The following GRID2 variants were observed in gnomAD, a reference collection of about 807,000 sequenced individuals.
GRID2 encodes the protein glutamate ionotropic receptor delta type subunit 2.
Under a neutral mutation model 114.8 loss-of-function variants are expected in GRID2, and 33 were observed. The ratio of observed to expected loss-of-function variants is 0.29; its 90% CI spans 0.22 to 0.38. GRID2 has a LOEUF of 0.38. GRID2 is among the 10% of genes least tolerant of loss of function. GRID2 has a pLI of 1.00. For synonymous variants in GRID2, 505 were observed against 449.9 expected, an observed-to-expected ratio of 1.12 and a Z score of -1.55; for missense variants, 1,184 against 1,257.7, an observed-to-expected ratio of 0.94 and a Z score of 0.89.
rs550548439 is a variant in GRID2, at chr4:93,056,607, C to A, written c.245-28388C>A. Among the ~76,000 whole-genome samples, 4 of 151,994 alleles carry A rather than the reference C, an allele frequency of 2.6e-5. No individual in the cohort carries two copies. In the South Asian group the frequency reaches 8.3e-4, roughly 32 times the overall value. ...CTACCACCCTCAATTTCTAACTACC[C>A]TTTTTCAATTATAATTACCTTTTTT... is the stretch of plus-strand genomic sequence containing the variant. On this transcript the variant is annotated intron_variant, in intron 2 of 15. Coordinates refer to ENST00000282020, the MANE Select transcript of GRID2 (RefSeq NM_001510.4).
At chr4:93,567,405 T>C (rs1735533976) in intron 13 of GRID2, among the ~76,000 whole-genome samples, 1 of 152,208 alleles carries the variant, frequency 6.6e-6, no homozygotes, top group African/African-American at 2.4e-5. Flanking sequence ...CAAGGAAGTT[T>C]CCAACTTCTC....
intron 12 of GRID2, among the ~76,000 whole-genome samples, chr4:93,509,106 A>G (rs1374554365): frequency 6.6e-6 from 1 of 152,258 alleles, no homozygotes; most frequent in East Asian, 1.9e-4. Context: ...GTACATAGGC[A>G]GTACTTAAAC....
At chr4:92,586,087 C>G (rs1438803411) in intron 1 of GRID2, among the ~76,000 whole-genome samples, 1 of 151,604 alleles carries the variant, frequency 6.6e-6, no homozygotes, top group East Asian at 1.9e-4. Flanking sequence ...ACTATTCAGG[C>G]TCTTTTATAC....
At chr4:92,708,237 TA>T (rs1735048427) in intron 2 of GRID2, among the ~76,000 whole-genome samples, 1 of 152,130 alleles carries the variant, frequency 6.6e-6, no homozygotes, top group Non-Finnish European at 1.5e-5. Context: ...GGTGGAGAAT[TA>T]AAAATATCCA....
At chr4:93,615,487 A>G (rs924953527) in intron 13 of GRID2, among the ~76,000 whole-genome samples, 11 of 152,320 alleles carry the variant, frequency 7.2e-5, no homozygotes, top group Non-Finnish European at 1.2e-4. Flanking sequence ...TCCTTTGGGT[A>G]TATACCCAGC....
At chr4:93,105,692 C>T (rs969894705) in intron 3 of GRID2, among the ~76,000 whole-genome samples, 2 of 152,144 alleles carry the variant, frequency 1.3e-5, no homozygotes, top group Admixed American at 6.5e-5. Context: ...TCTCTTTCCC[C>T]CATCTTCAAA....
chr4:93,357,243 A>G (rs980288263), intron 8 of GRID2, among the ~76,000 whole-genome samples: 1 of 151,654 alleles, frequency 6.6e-6, no homozygotes. Flanking sequence ...GACAGGTTGA[A>G]AAGTATGTAC....
intron 2 of GRID2, among the ~76,000 whole-genome samples, chr4:92,890,619 G>T (rs959706168): frequency 2.6e-5 from 4 of 152,186 alleles, no homozygotes; most frequent in Non-Finnish European, 5.9e-5. Context: ...AACAACAGAT[G>T]CTGGAGAGGA....
At chr4:93,438,841 C>A (rs1350229511) in intron 10 of GRID2, among the ~76,000 whole-genome samples, 1 of 151,266 alleles carries the variant, frequency 6.6e-6, no homozygotes, top group Non-Finnish European at 1.5e-5. Flanking sequence ...CCATCCCCCA[C>A]CCCACAATAG....
At chr4:93,509,895 C>T (rs1237417849) in intron 12 of GRID2, among the ~76,000 whole-genome samples, 1 of 152,182 alleles carries the variant, frequency 6.6e-6, no homozygotes, top group Non-Finnish European at 1.5e-5. Context: ...CATAGGACAG[C>T]TCTCAGCTGC....
chr4:92,638,541 C>A (rs964849594), intron 2 of GRID2, among the ~76,000 whole-genome samples: 2 of 148,140 alleles, frequency 1.4e-5, no homozygotes, highest in African/African-American at 2.5e-5. Flanking sequence ...GCTATTCTTC[C>A]AATTGACTCA....
At chr4:93,061,007 G>A (rs532405409) in intron 2 of GRID2, among the ~76,000 whole-genome samples, 1 of 152,058 alleles carries the variant, frequency 6.6e-6, no homozygotes, top group African/African-American at 2.4e-5. Context: ...GGAGGCTGAG[G>A]CAGGAGAATT....
intron 14 of GRID2, among the ~76,000 whole-genome samples, chr4:93,662,470 T>G (rs1248666568): frequency 6.6e-6 from 1 of 152,192 alleles, no homozygotes; most frequent in East Asian, 1.9e-4. Flanking sequence ...TTCAGTGACT[T>G]TTTTTTGCAA....
chr4:93,161,258 G>A (rs1053316545), intron 4 of GRID2, among the ~76,000 whole-genome samples: 2 of 151,824 alleles, frequency 1.3e-5, no homozygotes, highest in Non-Finnish European at 2.9e-5. Flanking sequence ...GCAGAATTTT[G>A]ACCTCTTAGA....
At position 93,335,694 on chromosome 4, in the gene GRID2, C is replaced by CTTTTTTTTTTTTTTTTTT. The variant is rs55823712; in HGVS notation, c.1246-59901_1246-59900insTTTTTTTTTTTTTTTTTT. Among the ~76,000 whole-genome samples, 3 of 141,724 alleles carry CTTTTTTTTTTTTTTTTTT rather than the reference C, an allele frequency of 2.1e-5. 1 individual carries two copies. Among genetic ancestry groups the CTTTTTTTTTTTTTTTTTT allele is most frequent in the African/African-American group, 8.1e-5 (3 of 37,186 alleles). 93.0% of individuals were successfully genotyped at this position (141,724 alleles called of 152,430 possible). ...TTCTCTCTCTCTTTCTTTCTTCTTT[C>CTTTTTTTTTTTTTTTTTT]TTTTTTTTTTTTGAGACAGGGTCTC... On this transcript the variant is annotated intron_variant, in intron 8 of 15. Coordinates refer to ENST00000282020, the MANE Select transcript of GRID2 (RefSeq NM_001510.4).
chr4:93,200,807 A>G (rs1192414758), intron 4 of GRID2, among the ~76,000 whole-genome samples: 1 of 152,184 alleles, frequency 6.6e-6, no homozygotes, highest in African/African-American at 2.4e-5. Context: ...CATGTTCCAA[A>G]CCGTACTAAT....
At chr4:93,575,998 A>T (rs1736385212) in intron 13 of GRID2, among the ~76,000 whole-genome samples, 1 of 152,164 alleles carries the variant, frequency 6.6e-6, no homozygotes, top group Non-Finnish European at 1.5e-5. Flanking sequence ...TGGTAATCTG[A>T]GTTAAATACA....
At chr4:93,461,773 A>G (rs1723764378) in intron 11 of GRID2, among the ~76,000 whole-genome samples, 1 of 152,122 alleles carries the variant, frequency 6.6e-6, no homozygotes, top group Admixed American at 6.6e-5. Context: ...TGAGAGACCA[A>G]TTTTATACAA....
intron 8 of GRID2, among the ~76,000 whole-genome samples, chr4:93,273,882 T>C (rs1002557171): frequency 2.0e-5 from 3 of 152,182 alleles, no homozygotes; most frequent in African/African-American, 4.8e-5. Context: ...ATTTTCCTTT[T>C]CATTCCCAAA....
Sources: allele counts gnomAD v4.1 joint callset (sites outside exome capture counted in the v4.1 genomes callset), GRCh38; gene constraint gnomAD v4.1.1; transcripts MANE v1.5; gene names NCBI Gene and HGNC (gene_info 2026-07-23, HGNC 2026-07-21).